Variants in EHD4 observed in about 807,000 individuals in gnomAD.
EHD4 encodes EH domain containing 4.
Under a neutral mutation model 51.0 loss-of-function variants are expected in EHD4, and 37 were observed. The observed-to-expected ratio is 0.73, with a 90% CI of 0.56 to 0.95. EHD4 has a LOEUF of 0.95. Ranked by LOEUF, EHD4 falls within the 40% of genes least tolerant of loss-of-function variation. The pLI is 0.00. For missense variants in EHD4, 632 were observed against 733.1 expected (o/e 0.86, Z 1.59); for synonymous variants, 297 against 317.3 (o/e 0.94, Z 0.68).
intron 3 of EHD4, among the ~76,000 whole-genome samples, chr15:41,938,860 G>C (rs1169222976): frequency 1.3e-5 from 2 of 152,216 alleles, no homozygotes; most frequent in African/African-American, 4.8e-5. Flanking sequence ...TTTTTCAAAG[G>C]ATGTTATGAT....
At chr15:41,957,058 C>T (rs2067892555) in intron 1 of EHD4, among the ~76,000 whole-genome samples, 3 of 152,100 alleles carry the variant, frequency 2.0e-5, no homozygotes, top group Admixed American at 6.5e-5. Context: ...TTGCTGGGAG[C>T]GGTGGCTCGT....
intron 1 of EHD4, among the ~76,000 whole-genome samples, chr15:41,964,439 C>T (rs1024742153): frequency 3.3e-5 from 5 of 151,562 alleles, no homozygotes; most frequent in Non-Finnish European, 7.4e-5. Flanking sequence ...CCCAACTCTA[C>T]AAAAAATGAA....
At chr15:41,918,351 C>T (rs1027314188) in intron 4 of EHD4, among the ~76,000 whole-genome samples, 1 of 152,220 alleles carries the variant, frequency 6.6e-6, no homozygotes, top group Non-Finnish European at 1.5e-5. Context: ...TTCTGATGAT[C>T]AGCCAGGTTT....
intron 3 of EHD4, among the ~76,000 whole-genome samples, chr15:41,925,135 G>A (rs867583488): frequency 6.6e-6 from 1 of 151,268 alleles, no homozygotes; most frequent in Non-Finnish European, 1.5e-5. Flanking sequence ...AAGTAAATAG[G>A]AAGAAAAGAA....
At chr15:41,912,381 G>A (rs1481125061) in intron 4 of EHD4, among the ~76,000 whole-genome samples, 1 of 152,146 alleles carries the variant, frequency 6.6e-6, no homozygotes, top group Non-Finnish European at 1.5e-5. Flanking sequence ...CAACTTCTGT[G>A]CACAGACCTG....
At chr15:41,940,261 G>A (rs2067760673) in intron 3 of EHD4, among the ~76,000 whole-genome samples, 1 of 152,180 alleles carries the variant, frequency 6.6e-6, no homozygotes, top group Non-Finnish European at 1.5e-5. Context: ...AGTCAGTGGG[G>A]GATGCTTTAA....
At chr15:41,962,572 T>A (rs1301895339) in intron 1 of EHD4, among the ~76,000 whole-genome samples, 1 of 149,786 alleles carries the variant, frequency 6.7e-6, no homozygotes, top group Admixed American at 6.6e-5. Context: ...ACAATATAAT[T>A]GAGACAGATT....
intron 3 of EHD4, chr15:41,921,765 C>G (rs934265635): frequency 1.3e-5 from 2 of 152,230 alleles, no homozygotes; most frequent in Non-Finnish European, 2.9e-5. Context: ...GCTGAATACC[C>G]TTCCTGTTGG....
intron 4 of EHD4, 38 bp from the exon 5 acceptor site, chr15:41,909,901 G>A (rs2067537721): frequency 6.2e-7 from 1 of 1,611,150 alleles, no homozygotes; most frequent in African/African-American, 1.3e-5. Flanking sequence ...GTGTCATTTA[G>A]AATTGCATCA....
At chr15:41,948,984 C>G (rs532467990) in intron 2 of EHD4, among the ~76,000 whole-genome samples, 3 of 145,892 alleles carry the variant, frequency 2.1e-5, no homozygotes, top group South Asian at 4.5e-4. Flanking sequence ...GTGATCGTGC[C>G]TCCGCGCTCC....
intron 2 of EHD4, among the ~76,000 whole-genome samples, chr15:41,948,656 C>T (rs746099766): frequency 1.3e-5 from 2 of 152,242 alleles, no homozygotes; most frequent in Admixed American, 1.3e-4. Context: ...TGGGGGAAGC[C>T]GCACGTGCTT....
Position 41,900,901 on chromosome 15 carries a change from G to C in EHD4, c.1370C>G (p.Thr457Ser), listed in dbSNP as rs2140980374. 1 of 1,614,196 alleles carries C rather than the reference G, an allele frequency of 6.2e-7. No homozygotes were observed. The highest frequency in any genetic ancestry group is 2.2e-5 in the East Asian group (1 of 44,878). ...DKPVYDELFY[T>S]LSPINGKISG... ...TATCTTGCCATTGATGGGCGACAGAGTGTAGAAGAGCTCGTCGTAGACGGG... is the reference window on the plus strand; with the variant it reads ...TATCTTGCCATTGATGGGCGACAGACTGTAGAAGAGCTCGTCGTAGACGGG... Residue 457 changes from threonine (T) to serine (S), a missense_variant, in exon 6 of 6, where the codon ACT (threonine) becomes AGT (serine). Physicochemically the swap from Thr to Ser is moderately conservative, Grantham distance 58. Transcript: ENST00000220325. This position sits in a 1 kb window ranked among gnomAD's most constrained non-coding sequence, Gnocchi z 4.8.
intron 1 of EHD4, among the ~76,000 whole-genome samples, chr15:41,959,178 G>A (rs1418559001): frequency 6.6e-6 from 1 of 151,884 alleles, no homozygotes; most frequent in Non-Finnish European, 1.5e-5. Context: ...GGATCACGAG[G>A]TCAGGAGATC....
intron 3 of EHD4, among the ~76,000 whole-genome samples, chr15:41,929,688 C>G (rs2067685948): frequency 6.6e-6 from 1 of 152,216 alleles, no homozygotes; most frequent in Non-Finnish European, 1.5e-5. Flanking sequence ...CCTGGCTTAA[C>G]AATTTCATTC....
At chr15:41,951,326 A>G (rs760320919) in intron 2 of EHD4, among the ~76,000 whole-genome samples, 10 of 152,222 alleles carry the variant, frequency 6.6e-5, no homozygotes, top group Admixed American at 3.3e-4. Flanking sequence ...TCTGAATTCA[A>G]CTGACACTTG....
intron 3 of EHD4, among the ~76,000 whole-genome samples, chr15:41,925,123 AAAAGT>A (rs2067653212): frequency 6.6e-6 from 1 of 152,186 alleles, no homozygotes; most frequent in South Asian, 2.1e-4. Flanking sequence ...CTTAAAAAGC[AAAAGT>A]AAATAGGAAG....
At chr15:41,939,461 G>A (rs2067752304) in intron 3 of EHD4, among the ~76,000 whole-genome samples, 1 of 152,138 alleles carries the variant, frequency 6.6e-6, no homozygotes, top group Non-Finnish European at 1.5e-5. Context: ...TTGGGAGGCC[G>A]AGGCGGGTGG....
In EHD4 at chr15:41,900,440, C is replaced by T; in HGVS notation, c.*205G>A. On this transcript the variant is annotated 3_prime_UTR_variant, in exon 6 of 6. Coordinates refer to ENST00000220325, the MANE Select transcript of EHD4 (RefSeq NM_139265.4). This position sits in a 1 kb window ranked among gnomAD's most constrained non-coding sequence, Gnocchi z 4.8. ...TTCAATCTCCTAATCCACCCCCCTA[C>T]CCCCAATATTTTCATAGAAACTAAG... 2 of 606,626 alleles carry T rather than the reference C, an allele frequency of 3.3e-6. No homozygotes were observed. Among genetic ancestry groups the T allele is most frequent in the Admixed American group, 3.0e-5 (1 of 33,060 alleles). The allele number at this position is 606,626 out of a possible 1,614,324, so 37.6% of individuals were successfully genotyped here. A position where few individuals can be genotyped will look rare whatever the true frequency, so the allele number is the denominator to read the frequency against.
In EHD4 at chr15:41,919,494, C is replaced by T; in HGVS notation, c.640G>A (p.Asp214Asn). The change falls in exon 4 of 6, where the codon GAC (aspartate) becomes AAC (asparagine). Residue 214 changes from aspartate to asparagine, a missense_variant. Transcript: ENST00000220325. ...TTCAGCACGACACGGATCTTGTCGTCCTGGCCCCGGAAGGCCTTGATGGCC... is the reference window on the plus strand; with the variant it reads ...TTCAGCACGACACGGATCTTGTCGTTCTGGCCCCGGAAGGCCTTGATGGCC... ...SEAIKAFRGQ[D>N]DKIRVVLNKA... 6.4e-7 allele frequency: 1 copy of T among 1,554,946 alleles called. No homozygotes were observed. Among genetic ancestry groups the T allele is most frequent in the Non-Finnish European group, 8.7e-7 (1 of 1,152,970 alleles).
Sources: allele counts gnomAD v4.1 joint callset (sites outside exome capture counted in the v4.1 genomes callset), GRCh38; gene constraint gnomAD v4.1.1; non-coding constraint Gnocchi (gnomAD v3.1); transcripts MANE v1.5; gene names NCBI Gene and HGNC (gene_info 2026-07-23, HGNC 2026-07-21).